Variants in PATE4 observed in about 807,000 individuals in gnomAD.
PATE4 encodes prostate and testis expressed 4.
Under a neutral mutation model 8.5 loss-of-function variants are expected in PATE4, and 13 were observed. The observed-to-expected ratio is 1.53, with a 90% CI of 1.00 to 2.43. PATE4 has a LOEUF of 2.43. Among genes scored for constraint, PATE4 ranks in the 30% most tolerant of loss-of-function variants. The probability of loss-of-function intolerance (pLI) is 0.00; values close to 1 mark genes in which losing one functional copy is unlikely to be tolerated. For synonymous variants in PATE4, 47 were observed against 39.3 expected (o/e 1.20, Z -0.73); for missense variants, 127 against 115.5 (o/e 1.10, Z -0.46).
At chr11:125,834,425 T>C (rs1221858599) in intron 1 of PATE4, among the ~76,000 whole-genome samples, 2 of 152,134 alleles carry the variant, frequency 1.3e-5, no homozygotes, top group Non-Finnish European at 2.9e-5. Flanking sequence ...CTATTAAACA[T>C]ATAAAAAGTG....
At chr11:125,834,307 C>G (rs74361359) in intron 1 of PATE4, among the ~76,000 whole-genome samples, 16,598 of 152,068 alleles carry the variant, frequency 0.11, 1,184 homozygotes, top group Admixed American at 0.23. Flanking sequence ...GCTAATATCC[C>G]TGATATGTAA....
chr11:125,838,231 C>T (rs960544781), intron 2 of PATE4, 75 bp from the exon 3 acceptor site: 2 of 1,428,464 alleles, frequency 1.4e-6, no homozygotes, highest in Non-Finnish European at 9.3e-7. Context: ...TGCTATTCCT[C>T]TTGGTGGTGA....
At chr11:125,835,257 T>C (rs1168874161) in intron 1 of PATE4, 2 of 152,174 alleles carry the variant, frequency 1.3e-5, no homozygotes, top group Non-Finnish European at 2.9e-5. Context: ...AGGGAGAAAT[T>C]GATAGTGTCC....
At chr11:125,838,110 G>T (rs1943933417) in intron 2 of PATE4, 126 bp downstream of exon 2, 13 of 982,062 alleles carry the variant, frequency 1.3e-5, no homozygotes, top group Non-Finnish European at 2.0e-5. Context: ...AAAAGAGGGG[G>T]CAAGAAGGGA....
In PATE4 at chr11:125,838,393, T is replaced by C. The variant is rs1245570120; in HGVS notation, c.263T>C (p.Leu88Pro). Residue 88 changes from leucine to proline, a missense_variant, in exon 3 of 3, where the codon CTG (leucine) becomes CCG (proline). Physicochemically the swap from Leu to Pro is moderately conservative, Grantham distance 98. Coordinates refer to ENST00000457514, the MANE Select transcript of PATE4 (RefSeq NM_001144874.1). The part of the protein sequence containing the change: ...SSKRGLLRVT[L>P]CCDRNFCNVF ...AAAAGAGGCCTGTTGAGAGTGACAC[T>C]GTGCTGTGACAGAAACTTCTGTAAT... is the stretch of plus-strand genomic sequence containing the variant. 1.3e-6 allele frequency: 2 copies of C among 1,551,198 alleles called. No homozygotes were observed. The highest frequency in any genetic ancestry group is 2.0e-5 in the Admixed American group (1 of 50,820).
intron 1 of PATE4, among the ~76,000 whole-genome samples, chr11:125,837,480 A>T (rs531947432): frequency 6.6e-6 from 1 of 152,230 alleles, no homozygotes; most frequent in South Asian, 2.1e-4. Flanking sequence ...TTTAACCTAC[A>T]TCTCAAGAGC....
At chr11:125,836,634 G>C (rs1307218796) in intron 1 of PATE4, among the ~76,000 whole-genome samples, 1 of 151,834 alleles carries the variant, frequency 6.6e-6, no homozygotes, top group East Asian at 1.9e-4. Flanking sequence ...ACCTTCCTTG[G>C]CTCTCTAAAA....
At position 125,840,039 on chromosome 11, in the gene PATE4, C is replaced by CTTAAGTA. The variant is rs1943950491; in HGVS notation, c.*1613_*1619dup. 1.3e-5 allele frequency: 2 copies of CTTAAGTA among 152,130 alleles called. No individual in the cohort carries two copies. The highest frequency in any genetic ancestry group is 4.2e-4 in the South Asian group (2 of 4,812). 9.4% of individuals were successfully genotyped at this position (152,130 alleles called of 1,614,324 possible). A position where few individuals can be genotyped will look rare whatever the true frequency, so the allele number is the denominator to read the frequency against. On this transcript the variant is annotated 3_prime_UTR_variant, in exon 3 of 3. Transcript: ENST00000457514. ...TGTGAAGCCACCTTTGTAATACTGC[C>CTTAAGTA]TTAAGTAAAGATCCAGTATTATTTT...
intron 1 of PATE4, among the ~76,000 whole-genome samples, 153 bp from the exon 2 acceptor site, chr11:125,837,715 T>A (rs1434509723): frequency 6.6e-6 from 1 of 152,204 alleles, no homozygotes; most frequent in Admixed American, 6.5e-5. Context: ...CTAGCTTAAC[T>A]TACAAAGCTA....
chr11:125,833,377 A>C lies in PATE4; in HGVS notation c.18A>C (p.Thr6=). 7.1e-6 allele frequency: 11 copies of C among 1,551,480 alleles called. No homozygotes were observed. The highest frequency in any genetic ancestry group is 9.6e-6 in the Non-Finnish European group (11 of 1,146,888). The change falls in exon 1 of 3, where the codon ACA becomes ACC. Residue 6 remains threonine (T), a synonymous_variant. Transcript: ENST00000457514. ...AGCATCCAATGAGGAAAATGAACAC[A>C]CTGCTCCTTGTGAGCTTATCTTTTC... MRKMN[T]LLLVSLSFLY... is the part of the protein sequence containing the mutation.
intron 1 of PATE4, among the ~76,000 whole-genome samples, chr11:125,837,185 T>C (rs1943926448): frequency 6.6e-6 from 1 of 152,166 alleles, no homozygotes; most frequent in African/African-American, 2.4e-5. Flanking sequence ...AGTCCTTAAA[T>C]CTAAATTACC....
chr11:125,839,815 C>G lies in PATE4; in HGVS notation c.*1388C>G, dbSNP rs990571537. ...ATTCAATTACCTCCCACCGGTCCCT[C>G]CCACAACACGTGGGAATTGAAGATG... is the stretch of plus-strand genomic sequence containing the variant. On this transcript the variant is annotated 3_prime_UTR_variant, in exon 3 of 3. Coordinates refer to ENST00000457514, the MANE Select transcript of PATE4 (RefSeq NM_001144874.1). The G allele has an allele frequency of 1.3e-5, 2 of 152,182 alleles. No individual in the cohort carries two copies. Among genetic ancestry groups the G allele is most frequent in the Non-Finnish European group, 2.9e-5 (2 of 68,044 alleles). The allele number at this position is 152,182 out of a possible 1,614,324, so 9.4% of individuals were successfully genotyped here. A position where few individuals can be genotyped will look rare whatever the true frequency, so the allele number is the denominator to read the frequency against.
At chr11:125,833,764 C>G (rs1252609064) in intron 1 of PATE4, among the ~76,000 whole-genome samples, 1 of 152,074 alleles carries the variant, frequency 6.6e-6, no homozygotes, top group Non-Finnish European at 1.5e-5. Flanking sequence ...TTGTAGGATT[C>G]TTTATTCTAC....
chr11:125,833,815 T>C (rs1943903188), intron 1 of PATE4, among the ~76,000 whole-genome samples: 2 of 152,194 alleles, frequency 1.3e-5, no homozygotes, highest in South Asian at 4.1e-4. Flanking sequence ...CTTTATACTA[T>C]CCACTCAGAC....
chr11:125,837,860 C>A lies in PATE4; in HGVS notation c.59-8C>A, dbSNP rs754893424. On this transcript the variant is annotated splice_region_variant and splice_polypyrimidine_tract_variant and intron_variant, in intron 1 of 2. Transcript: ENST00000457514. ...CAGCCTGAATATTCTATTCTCTCCA[C>A]CCTGCAGTTATGGGTCTGAAGTGTA... 49 of 1,540,804 alleles carry A rather than the reference C, an allele frequency of 3.2e-5. No individual in the cohort carries two copies. Among genetic ancestry groups the A allele is most frequent in the Non-Finnish European group, 3.9e-5 (44 of 1,137,606 alleles).
chr11:125,836,150 A>G (rs1943918311), intron 1 of PATE4, among the ~76,000 whole-genome samples: 1 of 149,336 alleles, frequency 6.7e-6, no homozygotes, highest in African/African-American at 2.5e-5. Flanking sequence ...CTAAAAGTAC[A>G]TAGACAAGTT....
At chr11:125,835,770 C>T (rs1338056917) in intron 1 of PATE4, 2 of 152,154 alleles carry the variant, frequency 1.3e-5, no homozygotes, top group African/African-American at 2.4e-5. Context: ...CAGAGCCAGT[C>T]CGATGACATC....
intron 1 of PATE4, among the ~76,000 whole-genome samples, chr11:125,836,798 T>A (rs1193900230): frequency 3.3e-5 from 5 of 152,164 alleles, no homozygotes; most frequent in Non-Finnish European, 5.9e-5. Flanking sequence ...CCTAAAAAAA[T>A]GTCCAGAATG....
Position 125,838,253 on chromosome 11 carries a change from T to A in PATE4, c.176-53T>A, listed in dbSNP as rs1473639958. The A allele has an allele frequency of 4.1e-6, 6 of 1,479,668 alleles. No homozygotes were observed. In the African/African-American group the frequency reaches 7.1e-5, roughly 18 times the overall value. The allele number at this position is 1,479,668 out of a possible 1,614,324, so 91.7% of individuals were successfully genotyped here. A position where few individuals can be genotyped will look rare whatever the true frequency, so the allele number is the denominator to read the frequency against. On this transcript the variant is annotated intron_variant, in intron 2 of 2. Coordinates refer to ENST00000457514, the MANE Select transcript of PATE4 (RefSeq NM_001144874.1). ...CCTCTTGGTGGTGAGTTTTAGTAAG[T>A]CACTAGTAAGGCAATCTCCTCCAGC...
Sources: gnomAD v4.1 joint callset for allele counts (sites outside exome capture counted in the v4.1 genomes callset) on GRCh38, gnomAD v4.1.1 for gene constraint, MANE v1.5 for transcripts, NCBI Gene and HGNC (gene_info 2026-07-23, HGNC 2026-07-21) for gene names.